Variants in MACROD2 observed in about 807,000 individuals in gnomAD.
MACROD2 encodes the protein mono-ADP ribosylhydrolase 2, also known as ADP-ribose glycohydrolase MACROD2.
Under a neutral mutation model 70.4 loss-of-function variants are expected in MACROD2, and 36 were observed. That is an observed-to-expected ratio of 0.51 (90% confidence interval 0.39 to 0.68). The LOEUF (loss-of-function observed/expected upper bound fraction) is 0.68, where lower values mean the gene tolerates loss of function less well. Ranked by LOEUF, MACROD2 falls within the 30% of genes least tolerant of loss-of-function variation. MACROD2 has a pLI of 0.00. For synonymous variants in MACROD2, 172 were observed against 178.8 expected (o/e 0.96, Z 0.30); for missense variants, 496 against 538.4 (o/e 0.92, Z 0.78).
intron 5 of MACROD2, among the ~76,000 whole-genome samples, chr20:15,190,078 C>T (rs895981850): frequency 6.6e-6 from 1 of 152,080 alleles, no homozygotes; most frequent in Admixed American, 6.6e-5. Context: ...ATTCTTTATC[C>T]TCTTGTGATG....
chr20:15,981,776 G>GT (rs1384368244), intron 13 of MACROD2, among the ~76,000 whole-genome samples: 2 of 151,794 alleles, frequency 1.3e-5, no homozygotes, highest in African/African-American at 2.4e-5. Flanking sequence ...GATACATATT[G>GT]TTTTTTTAAT....
chr20:14,641,645 A>T (rs1985101452), intron 4 of MACROD2, among the ~76,000 whole-genome samples: 1 of 152,218 alleles, frequency 6.6e-6, no homozygotes, highest in African/African-American at 2.4e-5. Flanking sequence ...ACGTCTTTGT[A>T]CATCTTCATC....
intron 5 of MACROD2, among the ~76,000 whole-genome samples, chr20:14,954,709 T>A (rs1226471786): frequency 3.7e-5 from 1 of 27,330 alleles, no homozygotes; most frequent in African/African-American, 7.3e-5. Context: ...AAATAAATTA[T>A]AAATATATAA....
At chr20:15,426,340 T>G (rs2046297860) in intron 6 of MACROD2, among the ~76,000 whole-genome samples, 1 of 152,048 alleles carries the variant, frequency 6.6e-6, no homozygotes, top group African/African-American at 2.4e-5. Context: ...TTAAGTCAAA[T>G]TTATTTTTAT....
chr20:15,635,289 T>G (rs461619), intron 8 of MACROD2, among the ~76,000 whole-genome samples: 3,763 of 152,332 alleles, frequency 0.025, 163 homozygotes, highest in East Asian at 0.19. Context: ...TGAGATAACT[T>G]GTACAAGTTC....
At chr20:15,654,386 G>C (rs2049695544) in intron 8 of MACROD2, among the ~76,000 whole-genome samples, 1 of 152,202 alleles carries the variant, frequency 6.6e-6, no homozygotes, top group South Asian at 2.1e-4. Flanking sequence ...GAAAATGCTT[G>C]TCTGGCAGGC....
At chr20:15,306,865 A>G (rs1456237607) in intron 6 of MACROD2, among the ~76,000 whole-genome samples, 1 of 152,212 alleles carries the variant, frequency 6.6e-6, no homozygotes, top group African/African-American at 2.4e-5. Flanking sequence ...TATTAAAAAA[A>G]GAGGTTTACT....
At chr20:14,458,213 A>G (rs1229103418) in intron 3 of MACROD2, among the ~76,000 whole-genome samples, 1 of 152,114 alleles carries the variant, frequency 6.6e-6, no homozygotes, top group Non-Finnish European at 1.5e-5. Context: ...TTGACAATCC[A>G]GTGGAGTTCA....
intron 6 of MACROD2, among the ~76,000 whole-genome samples, chr20:15,399,346 G>C (rs2045899880): frequency 6.6e-6 from 1 of 152,136 alleles, no homozygotes; most frequent in African/African-American, 2.4e-5. Context: ...CTCTGCAAAA[G>C]GTGACAGACC....
At chr20:15,699,617 C>G (rs895248219) in intron 8 of MACROD2, among the ~76,000 whole-genome samples, 1 of 152,126 alleles carries the variant, frequency 6.6e-6, no homozygotes. Flanking sequence ...GCCACAGCCC[C>G]GAGTTTGTTT....
At chr20:15,511,232 A>G (rs1433350919) in intron 8 of MACROD2, among the ~76,000 whole-genome samples, 1 of 152,216 alleles carries the variant, frequency 6.6e-6, no homozygotes, top group African/African-American at 2.4e-5. Flanking sequence ...TAAGGAGAAA[A>G]AAATATTTAA....
intron 10 of MACROD2, among the ~76,000 whole-genome samples, chr20:15,918,998 G>C (rs963044553): frequency 1.3e-5 from 2 of 152,194 alleles, no homozygotes; most frequent in African/African-American, 4.8e-5. Flanking sequence ...GCATTAGACA[G>C]ACCGATTCTC....
At chr20:16,025,637 A>G (rs2067068449) in intron 15 of MACROD2, among the ~76,000 whole-genome samples, 1 of 148,698 alleles carries the variant, frequency 6.7e-6, no homozygotes, top group Non-Finnish European at 1.5e-5. Flanking sequence ...GGACATCATC[A>G]CAGACCCAAC....
chr20:14,120,911 TG>T (rs2054580059), intron 3 of MACROD2, among the ~76,000 whole-genome samples: 1 of 143,374 alleles, frequency 7.0e-6, no homozygotes. Context: ...CTGTTATGGG[TG>T]GGGGGTGAGG....
chr20:15,058,396 T>G (rs35443865), intron 5 of MACROD2, among the ~76,000 whole-genome samples: 2,766 of 152,240 alleles, frequency 0.018, 35 homozygotes, highest in Middle Eastern at 0.044. Flanking sequence ...TCAATAGGGT[T>G]GCCAGATACA....
intron 5 of MACROD2, among the ~76,000 whole-genome samples, chr20:15,054,110 T>G (rs2075464081): frequency 6.6e-6 from 1 of 152,196 alleles, no homozygotes; most frequent in East Asian, 1.9e-4. Flanking sequence ...AGAAACTGGT[T>G]TATTGAGATG....
At chr20:14,443,647 A>G (rs1568614274) in intron 3 of MACROD2, among the ~76,000 whole-genome samples, 1 of 152,058 alleles carries the variant, frequency 6.6e-6, no homozygotes, top group Admixed American at 6.5e-5. Flanking sequence ...GCTTCTTTTT[A>G]TGGGGAAAAT....
At chr20:14,042,342 AC>A (rs1228685848) in intron 2 of MACROD2, among the ~76,000 whole-genome samples, 1 of 152,018 alleles carries the variant, frequency 6.6e-6, no homozygotes, top group African/African-American at 2.4e-5. Context: ...AAGAGTTAGA[AC>A]CCTGCAGTGG....
chr20:14,271,951 A>G (rs1325770089), intron 3 of MACROD2, among the ~76,000 whole-genome samples: 1 of 152,148 alleles, frequency 6.6e-6, no homozygotes, highest in East Asian at 1.9e-4. Flanking sequence ...AGAAAAAAGA[A>G]TAAAAAGAAA....
Sources: allele counts gnomAD v4.1 joint callset (sites outside exome capture counted in the v4.1 genomes callset), GRCh38; gene constraint gnomAD v4.1.1; transcripts MANE v1.5; gene names NCBI Gene and HGNC (gene_info 2026-07-23, HGNC 2026-07-21).